The following AHI1 variants were observed in gnomAD, a reference collection of about 807,000 sequenced individuals.
AHI1 encodes jouberin.
Under a neutral mutation model 149.3 loss-of-function variants are expected in AHI1, and 123 were observed. That is an observed-to-expected ratio of 0.82 (90% CI 0.71 to 0.96). The LOEUF is 0.96. AHI1 is among the 40% of genes least tolerant of loss of function. The probability of loss-of-function intolerance (pLI) is 0.00; values close to 1 mark genes in which losing one functional copy is unlikely to be tolerated. For missense variants in AHI1, 1,439 were observed against 1,422.7 expected (o/e 1.01, Z -0.18); for synonymous variants, 475 against 459.8 (o/e 1.03, Z -0.42).
rs555406975 is a variant in AHI1, at chr6:135,430,197, T to C, written c.2374-197A>G. Among the ~76,000 whole-genome samples the C allele has an allele frequency of 3.1e-4, 47 of 152,100 alleles. 1 individual carries two copies. In the South Asian group the frequency reaches 7.7e-3, roughly 25 times the overall value. Reference sequence around the variant, plus strand: ...GATGAATTGTATTTCTGTGTTGTTATGCAATGTGCAAATGCACATTTAATT... The same window carrying C: ...GATGAATTGTATTTCTGTGTTGTTACGCAATGTGCAAATGCACATTTAATT... On this transcript the variant is annotated intron_variant, in intron 17 of 28. Transcript: ENST00000265602.
At chr6:135,375,435 T>C (rs980859474) in intron 23 of AHI1, among the ~76,000 whole-genome samples, 1 of 152,166 alleles carries the variant, frequency 6.6e-6, no homozygotes, top group Non-Finnish European at 1.5e-5. Context: ...GATTAAAATG[T>C]TTAGAAAAAG....
chr6:135,450,626 G>A (rs1562201188), intron 11 of AHI1, among the ~76,000 whole-genome samples: 3 of 152,016 alleles, frequency 2.0e-5, no homozygotes, highest in African/African-American at 2.4e-5. Flanking sequence ...AGCTTATCAC[G>A]GTAATTTTAA....
At chr6:135,389,162 T>C (rs1351702553) in intron 23 of AHI1, among the ~76,000 whole-genome samples, 1 of 151,324 alleles carries the variant, frequency 6.6e-6, no homozygotes. Context: ...ACACAAAAAA[T>C]TAGCCAGGCA....
intron 5 of AHI1, among the ~76,000 whole-genome samples, chr6:135,488,431 T>C (rs548870144): frequency 1.3e-5 from 2 of 152,112 alleles, no homozygotes; most frequent in Admixed American, 6.5e-5. Flanking sequence ...GCCTGAGATA[T>C]AGTTTTAAGG....
chr6:135,287,108 AAAG>A lies in AHI1; in HGVS notation c.3589-1464_3589-1462del, dbSNP rs1466837913. Reference sequence around the variant, plus strand: ...GAGTTCATGTTAGTGGGAGGACAAAAAAGAAGAAGAAAAACAGAAAAGGGAAGG... The same window carrying A: ...GAGTTCATGTTAGTGGGAGGACAAAAAAGAAGAAAAACAGAAAAGGGAAGG... On this transcript the variant is annotated intron_variant, in intron 28 of 28. Coordinates refer to ENST00000265602, the MANE Select transcript of AHI1 (RefSeq NM_001134831.2). Among the ~76,000 whole-genome samples the A allele has an allele frequency of 3.9e-5, 6 of 152,292 alleles. No individual in the cohort carries two copies. The South Asian group carries it at 1.0e-3, about 26-fold the overall frequency.
At chr6:135,447,240 G>A in intron 12 of AHI1, 80 bp from the exon 13 acceptor site, 1 of 919,886 alleles carries the variant, frequency 1.1e-6, no homozygotes, top group Non-Finnish European at 1.5e-6. Flanking sequence ...TTAAAATACT[G>A]AAACAAATAA....
intron 23 of AHI1, among the ~76,000 whole-genome samples, chr6:135,358,986 GC>G (rs1220875455): frequency 6.6e-6 from 1 of 152,184 alleles, no homozygotes; most frequent in Non-Finnish European, 1.5e-5. Context: ...TTCAAACAAT[GC>G]TAAAGGCTGT....
intron 23 of AHI1, among the ~76,000 whole-genome samples, chr6:135,364,380 C>T (rs6932362): frequency 0.063 from 9,459 of 149,844 alleles, 588 homozygotes; most frequent in African/African-American, 0.21. Context: ...GGATGGCAGC[C>T]GGGCAGAGAC....
intron 16 of AHI1, among the ~76,000 whole-genome samples, chr6:135,432,435 C>T (rs1399936201): frequency 6.6e-6 from 1 of 152,154 alleles, no homozygotes; most frequent in Non-Finnish European, 1.5e-5. Flanking sequence ...TTACTGCAAC[C>T]TCTACCTCCA....
chr6:135,351,200 C>G (rs1257435352), intron 24 of AHI1, among the ~76,000 whole-genome samples: 2 of 150,636 alleles, frequency 1.3e-5, no homozygotes, highest in Non-Finnish European at 3.0e-5. Flanking sequence ...TGGGAGGCAA[C>G]ATTCATCAGG....
chr6:135,330,613 A>G (rs1788423428), intron 24 of AHI1, among the ~76,000 whole-genome samples: 1 of 152,202 alleles, frequency 6.6e-6, no homozygotes, highest in Non-Finnish European at 1.5e-5. Context: ...CCAAACCGGC[A>G]ATATCTTCAA....
intron 8 of AHI1, among the ~76,000 whole-genome samples, chr6:135,459,858 G>A (rs1048000070): frequency 5.3e-5 from 8 of 151,938 alleles, no homozygotes; most frequent in Non-Finnish European, 7.4e-5. Flanking sequence ...CGTTATTAAC[G>A]TATTACATGA....
At position 135,301,329 on chromosome 6, in the gene AHI1, GAT is replaced by G. The variant is rs1178460466; in HGVS notation, c.3427-773_3427-772del. ...AGTTCAATAATATACAAATGAAACA[GAT>G]ATACCATATGTTCCTAATTATTTCA... On this transcript the variant is annotated intron_variant, in intron 26 of 28. Coordinates refer to ENST00000265602, the MANE Select transcript of AHI1 (RefSeq NM_001134831.2). 3 of 962,712 alleles carry G rather than the reference GAT, an allele frequency of 3.1e-6. No homozygotes were observed. The East Asian group carries it at 3.4e-4, about 110-fold the overall frequency. 59.6% of individuals were successfully genotyped at this position (962,712 alleles called of 1,614,324 possible). A position where few individuals can be genotyped will look rare whatever the true frequency, so the allele number is the denominator to read the frequency against.
chr6:135,490,404 T>C (rs1289587895), intron 5 of AHI1: 8 of 650,660 alleles, frequency 1.2e-5, no homozygotes, highest in Non-Finnish European at 2.2e-5. Context: ...CCACTGTGTG[T>C]GTGTTCTTCC....
At chr6:135,363,457 C>A (rs1406585808) in intron 23 of AHI1, among the ~76,000 whole-genome samples, 2 of 152,350 alleles carry the variant, frequency 1.3e-5, no homozygotes, top group African/African-American at 4.8e-5. Flanking sequence ...TCTTTCTACA[C>A]AGACACGGCA....
In AHI1 at chr6:135,490,010, G is replaced by A. The variant is rs781364590; in HGVS notation, c.135+613C>T. The A allele has an allele frequency of 1.1e-5, 6 of 533,336 alleles. No homozygotes were observed. In the South Asian group the frequency reaches 1.5e-4, roughly 13 times the overall value. 33.0% of individuals were successfully genotyped at this position (533,336 alleles called of 1,614,324 possible). ...AAAGTGCAACTCAAGTAGGGAGATA[G>A]GTATAAAGAGGGCATAGAGCATTAA... On this transcript the variant is annotated intron_variant, in intron 5 of 28. Transcript: ENST00000265602.
chr6:135,463,550 C>T lies in AHI1; in HGVS notation c.750-244G>A, dbSNP rs145643271. Among the ~76,000 whole-genome samples, 382 of 152,070 alleles carry T rather than the reference C, an allele frequency of 2.5e-3. 1 individual carries two copies. Among genetic ancestry groups the T allele is most frequent in the African/African-American group, 9.0e-3 (375 of 41,460 alleles). On this transcript the variant is annotated intron_variant, in intron 7 of 28. Coordinates refer to ENST00000265602, the MANE Select transcript of AHI1 (RefSeq NM_001134831.2). ...TCAACTAAAACTGAGCTCTAAACCC[C>T]AGGGGAAAGGGAAATTGTATTAATA... is the stretch of plus-strand genomic sequence containing the variant.
chr6:135,401,071 C>T (rs978645418), intron 22 of AHI1, among the ~76,000 whole-genome samples: 6 of 152,194 alleles, frequency 3.9e-5, no homozygotes, highest in African/African-American at 1.4e-4. Flanking sequence ...TTGCTCACTA[C>T]ACTACTTAAG....
intron 13 of AHI1, among the ~76,000 whole-genome samples, chr6:135,443,712 A>G (rs552140279): frequency 6.6e-6 from 1 of 152,280 alleles, no homozygotes; most frequent in East Asian, 1.9e-4. Flanking sequence ...ATGACCAGCT[A>G]CTAGGAATGT....
Sources: gnomAD v4.1 joint callset for allele counts (sites outside exome capture counted in the v4.1 genomes callset) on GRCh38, gnomAD v4.1.1 for gene constraint, MANE v1.5 for transcripts, NCBI Gene and HGNC (gene_info 2026-07-23, HGNC 2026-07-21) for gene names.